The following IRAK1BP1 variants were observed in gnomAD, a reference collection of about 807,000 sequenced individuals.
The protein encoded by IRAK1BP1 is interleukin-1 receptor-associated kinase 1-binding protein 1.
In IRAK1BP1, 24 loss-of-function variants were observed where a neutral mutation model predicts 28.0. That is an observed-to-expected ratio of 0.86 (90% CI 0.62 to 1.20). The LOEUF (loss-of-function observed/expected upper bound fraction) is 1.20, where lower values mean the gene tolerates loss of function less well. Among genes scored for constraint, IRAK1BP1 ranks in the 50% most tolerant of loss-of-function variants. The probability of loss-of-function intolerance (pLI) is 0.00; values close to 1 mark genes in which losing one functional copy is unlikely to be tolerated. For missense variants in IRAK1BP1, 336 were observed against 316.7 expected, an observed-to-expected ratio of 1.06 and a Z score of -0.46; for synonymous variants, 131 against 116.3, an observed-to-expected ratio of 1.13 and a Z score of -0.81.
the IRAK1BP1 span, among the ~76,000 whole-genome samples, chr6:78,973,954 T>G: frequency 1.7e-4 from 26 of 151,940 alleles, no homozygotes; most frequent in Admixed American, 1.7e-3. Context: ...ACTGTCAACA[T>G]TAGACAGATC....
At chr6:78,912,281 A>G (rs1044213142) in intron 4 of IRAK1BP1, among the ~76,000 whole-genome samples, 1 of 152,212 alleles carries the variant, frequency 6.6e-6, no homozygotes, top group Admixed American at 6.5e-5. Context: ...GGACAAGAGT[A>G]GGTTCTGCTG....
the IRAK1BP1 span, among the ~76,000 whole-genome samples, chr6:78,953,595 A>G: frequency 6.6e-6 from 1 of 152,204 alleles, no homozygotes; most frequent in Non-Finnish European, 1.5e-5. Flanking sequence ...AGCTCAATTT[A>G]TCACGCCGCT....
intron 2 of IRAK1BP1, among the ~76,000 whole-genome samples, chr6:78,885,869 T>C (rs755970673): frequency 1.3e-5 from 2 of 152,220 alleles, no homozygotes; most frequent in Non-Finnish European, 2.9e-5. Flanking sequence ...ATTCAACCTT[T>C]ATACAAATTA....
In IRAK1BP1 at chr6:78,903,050, C is replaced by T; in HGVS notation, c.*4716C>T. On this transcript the variant is annotated 3_prime_UTR_variant, in exon 4 of 4. Transcript: ENST00000369940. ...AACAATTACTCCCAGATAGCCATGT[C>T]ACCTGTGAATTATCATGAATCCCAC... 2 of 1,533,890 alleles carry T rather than the reference C, an allele frequency of 1.3e-6. No individual in the cohort carries two copies. Among genetic ancestry groups the T allele is most frequent in the South Asian group, 1.2e-5 (1 of 83,970 alleles).
rs931246978 is a variant in IRAK1BP1 at position 78,880,828 on chromosome 6, T to G, written c.316-4550T>G. 2.6e-5 allele frequency among the ~76,000 whole-genome samples: 4 copies of G among 152,148 alleles called. No homozygotes were observed. In the East Asian group the frequency reaches 7.7e-4, roughly 29 times the overall value. On this transcript the variant is annotated intron_variant, in intron 1 of 3. Coordinates refer to ENST00000369940, the MANE Select transcript of IRAK1BP1 (RefSeq NM_001010844.4). ...AATGGAAAATAAAACCACAATGAAA[T>G]ACTGCTATGTACCTATTAGAATGGC...
chr6:78,962,968 C>A, the IRAK1BP1 span: 2 of 686,178 alleles, frequency 2.9e-6, no homozygotes, highest in South Asian at 5.0e-5. Context: ...AAAAGAGATT[C>A]CACTTAAAAT....
At chr6:78,925,321 T>G (rs986267969) in intron 4 of IRAK1BP1, among the ~76,000 whole-genome samples, 1 of 151,402 alleles carries the variant, frequency 6.6e-6, no homozygotes, top group African/African-American at 2.4e-5. Flanking sequence ...AAAGTATAAT[T>G]AGAAAAAAAT....
chr6:78,915,418 C>G (rs558258596), intron 4 of IRAK1BP1, among the ~76,000 whole-genome samples: 1 of 152,234 alleles, frequency 6.6e-6, no homozygotes, highest in Non-Finnish European at 1.5e-5. Flanking sequence ...GCCAAGAAAA[C>G]GTGCCTCACA....
the IRAK1BP1 span, among the ~76,000 whole-genome samples, chr6:78,966,277 A>G: frequency 6.6e-6 from 1 of 152,188 alleles, no homozygotes; most frequent in Non-Finnish European, 1.5e-5. Context: ...TTTCAATTCT[A>G]TTTTTTATAT....
At chr6:78,946,594 G>A, downstream of IRAK1BP1, 1 of 1,422,740 alleles carries the variant, frequency 7.0e-7, no homozygotes, top group South Asian at 1.6e-5. Flanking sequence ...GAACTTGCAT[G>A]TCAAATTATC....
chr6:78,956,030 T>C, the IRAK1BP1 span: 102 of 159,490 alleles, frequency 6.4e-4, 1 homozygote, highest in South Asian at 7.9e-3. Flanking sequence ...TTTCCTAAAA[T>C]TTTGTTCTTA....
rs189464866 is a variant in IRAK1BP1, at chr6:78,925,394, T to C, written c.*68-20014T>C. On this transcript the variant is annotated intron_variant and NMD_transcript_variant, in intron 4 of 4. Transcript: ENST00000606868. ...GACAAAAGACATGAACGGACACTTC[T>C]CAAATAAAGACATACACGTGATCAA... 2.6e-5 allele frequency among the ~76,000 whole-genome samples: 4 copies of C among 152,210 alleles called. No individual in the cohort carries two copies. In the East Asian group the frequency reaches 7.7e-4, roughly 29 times the overall value.
chr6:78,900,973 A>G lies in IRAK1BP1; in HGVS notation c.*2639A>G, dbSNP rs960778259. 6.6e-6 allele frequency: 1 copy of G among 152,196 alleles called. No homozygotes were observed. Among genetic ancestry groups the G allele is most frequent in the Non-Finnish European group, 1.5e-5 (1 of 68,030 alleles). 9.4% of individuals were successfully genotyped at this position (152,196 alleles called of 1,614,324 possible). ...AAAGTTGTCAGAAAACCAATGTAAC[A>G]TATGTTGAATTTTTATTACCAAAAA... is the stretch of plus-strand genomic sequence containing the variant. On this transcript the variant is annotated 3_prime_UTR_variant, in exon 4 of 4. Coordinates refer to ENST00000369940, the MANE Select transcript of IRAK1BP1 (RefSeq NM_001010844.4).
rs766762629 is a variant in IRAK1BP1, at chr6:78,885,365, T to G, written c.316-13T>G. 6.6e-7 allele frequency: 1 copy of G among 1,520,420 alleles called. No homozygotes were observed. Among genetic ancestry groups the G allele is most frequent in the Non-Finnish European group, 9.1e-7 (1 of 1,104,432 alleles). 94.2% of individuals were successfully genotyped at this position (1,520,420 alleles called of 1,614,324 possible). On this transcript the variant is annotated splice_polypyrimidine_tract_variant and intron_variant, in intron 1 of 3. Coordinates refer to ENST00000369940, the MANE Select transcript of IRAK1BP1 (RefSeq NM_001010844.4). ...TATTTAGTAATCATACTCTTGGACT[T>G]TTTCTGTTTCAGGCAGAAAATATAA...
At chr6:78,892,367 A>G (rs1226054351) in intron 2 of IRAK1BP1, among the ~76,000 whole-genome samples, 1 of 152,144 alleles carries the variant, frequency 6.6e-6, no homozygotes, top group Admixed American at 6.5e-5. Flanking sequence ...ACTTTTTGGC[A>G]TTTGCATCAT....
At chr6:78,889,720 A>ATACC (rs1771566517) in intron 2 of IRAK1BP1, among the ~76,000 whole-genome samples, 1 of 152,194 alleles carries the variant, frequency 6.6e-6, no homozygotes, top group Non-Finnish European at 1.5e-5. Flanking sequence ...CCACAATGAG[A>ATACC]TACCATCTCA....
At chr6:78,928,208 T>C (rs10755377) in intron 4 of IRAK1BP1, among the ~76,000 whole-genome samples, 49,967 of 152,002 alleles carry the variant, frequency 0.33, 9,778 homozygotes, top group East Asian at 0.69. Flanking sequence ...CAGTGTTTTA[T>C]AGTTTTCATT....
chr6:78,964,602 C>T, the IRAK1BP1 span, among the ~76,000 whole-genome samples: 5 of 152,128 alleles, frequency 3.3e-5, no homozygotes, highest in Non-Finnish European at 7.3e-5. Context: ...AAGTAATTTT[C>T]CTGCCTCAAC....
chr6:78,942,763 C>T (rs1483023113), intron 4 of IRAK1BP1, among the ~76,000 whole-genome samples: 1 of 152,148 alleles, frequency 6.6e-6, no homozygotes, highest in African/African-American at 2.4e-5. Flanking sequence ...GTACCTACTA[C>T]AGAAGATAGG....
Sources: gnomAD v4.1 joint callset for allele counts (sites outside exome capture counted in the v4.1 genomes callset) on GRCh38, gnomAD v4.1.1 for gene constraint, MANE v1.5 for transcripts, NCBI Gene and HGNC (gene_info 2026-07-23, HGNC 2026-07-21) for gene names.